CRIM1: variants seen among roughly 807,000 people sequenced by gnomAD.
CRIM1 encodes the protein cysteine-rich motor neuron 1 protein.
CRIM1 carries 32 observed loss-of-function variants against 116.4 expected under a neutral mutation model. The ratio of observed to expected loss-of-function variants is 0.27; its 90% CI spans 0.21 to 0.37. CRIM1 has a LOEUF of 0.37. CRIM1 is among the 10% of genes least tolerant of loss of function. The pLI is 1.00. For synonymous variants in CRIM1, 590 were observed against 509.2 expected (o/e 1.16, Z -2.13); for missense variants, 1,331 against 1,354.8 (o/e 0.98, Z 0.28).
intron 14 of CRIM1, among the ~76,000 whole-genome samples, chr2:36,540,927 T>C (rs973340278): frequency 5.3e-5 from 8 of 152,202 alleles, no homozygotes; most frequent in African/African-American, 1.7e-4. Context: ...TTGTTCATCA[T>C]TAGAGATTTC....
chr2:36,544,527 T>C (rs759655567), intron 15 of CRIM1, 29 bp downstream of exon 15: 1 of 1,319,758 alleles, frequency 7.6e-7, no homozygotes, highest in Admixed American at 3.0e-5. Flanking sequence ...TGAGATCTGC[T>C]AGTTTTCTAT....
chr2:36,512,654 A>G (rs554337400), intron 10 of CRIM1, among the ~76,000 whole-genome samples: 67 of 152,330 alleles, frequency 4.4e-4, no homozygotes, highest in Non-Finnish European at 8.1e-4. Flanking sequence ...TTTTACTTCT[A>G]TCAGGAACTT....
chr2:36,357,453 G>A (rs549430594), intron 1 of CRIM1, among the ~76,000 whole-genome samples: 7 of 152,226 alleles, frequency 4.6e-5, no homozygotes, highest in African/African-American at 1.7e-4. Flanking sequence ...GTGCTCCGCG[G>A]TGTCGAGATT....
At chr2:36,544,236 T>G (rs757067979) in intron 14 of CRIM1, 140 bp from the exon 15 acceptor site, 46 of 610,586 alleles carry the variant, frequency 7.5e-5, no homozygotes, top group South Asian at 2.9e-4. Flanking sequence ...GAGTGATGAA[T>G]GATGTAAATG....
intron 2 of CRIM1, among the ~76,000 whole-genome samples, chr2:36,420,300 A>G (rs973637914): frequency 3.3e-5 from 5 of 152,176 alleles, no homozygotes; most frequent in Admixed American, 6.5e-5. Context: ...GGCATTTTCT[A>G]TGGATTATGT....
chr2:36,451,907 A>G (rs1312299148), intron 4 of CRIM1, among the ~76,000 whole-genome samples: 1 of 146,550 alleles, frequency 6.8e-6, no homozygotes, highest in Non-Finnish European at 1.5e-5. Context: ...TAGGCCATCA[A>G]ATAATATTTC....
rs1172697224 is a variant in CRIM1, at chr2:36,546,968, A to G, written c.2747-16A>G. 6.7e-7 allele frequency: 1 copy of G among 1,483,942 alleles called. No homozygotes were observed. Among genetic ancestry groups the G allele is most frequent in the East Asian group, 2.3e-5 (1 of 43,586 alleles). 91.9% of individuals were successfully genotyped at this position (1,483,942 alleles called of 1,614,324 possible). A position where few individuals can be genotyped will look rare whatever the true frequency, so the allele number is the denominator to read the frequency against. On this transcript the variant is annotated splice_polypyrimidine_tract_variant and intron_variant, in intron 15 of 16. Transcript: ENST00000280527. ...CTGGTTTAGGTAATAAATGCTTATA[A>G]TTTTTTTTCTCCTAGATATGGGTCA...
chr2:36,529,151 A>G (rs1237985834), intron 13 of CRIM1: 2 of 471,254 alleles, frequency 4.2e-6, no homozygotes, highest in African/African-American at 2.0e-5. Context: ...ATTTTGGTCC[A>G]GGAGGCCAAA....
intron 5 of CRIM1, among the ~76,000 whole-genome samples, chr2:36,475,409 C>G (rs190277531): frequency 1.0e-3 from 154 of 152,228 alleles, no homozygotes; most frequent in African/African-American, 3.6e-3. Context: ...TATACAAACA[C>G]AATTTGGGGA....
chr2:36,447,814 C>G (rs1391497835), intron 4 of CRIM1, among the ~76,000 whole-genome samples: 3 of 152,174 alleles, frequency 2.0e-5, no homozygotes, highest in Admixed American at 6.5e-5. Flanking sequence ...TTTTCATTTT[C>G]TGATTGCAGG....
chr2:36,515,174 G>A (rs374068952), intron 11 of CRIM1, among the ~76,000 whole-genome samples: 9 of 152,230 alleles, frequency 5.9e-5, no homozygotes, highest in East Asian at 5.8e-4. Flanking sequence ...GGAGGGATTT[G>A]TACCTGGGTC....
chr2:36,516,470 T>G (rs916107311), intron 11 of CRIM1, among the ~76,000 whole-genome samples: 3 of 152,172 alleles, frequency 2.0e-5, no homozygotes, highest in African/African-American at 7.2e-5. Flanking sequence ...TTCAGACATT[T>G]TCAACATTAA....
intron 13 of CRIM1, among the ~76,000 whole-genome samples, chr2:36,525,005 T>A (rs1245275237): frequency 6.6e-6 from 1 of 152,152 alleles, no homozygotes; most frequent in East Asian, 1.9e-4. Context: ...TTGATTCTGA[T>A]CTGTCTCCCT....
intron 4 of CRIM1, among the ~76,000 whole-genome samples, chr2:36,452,356 T>C (rs1248766217): frequency 1.3e-5 from 2 of 152,200 alleles, no homozygotes; most frequent in East Asian, 3.9e-4. Flanking sequence ...GAAAAAAATT[T>C]GGAAGTGTAT....
intron 14 of CRIM1, among the ~76,000 whole-genome samples, chr2:36,538,013 G>A (rs548250864): frequency 6.6e-6 from 1 of 152,242 alleles, no homozygotes; most frequent in Non-Finnish European, 1.5e-5. Flanking sequence ...ATCAGTTCCA[G>A]CCAGTACCCA....
intron 1 of CRIM1, among the ~76,000 whole-genome samples, chr2:36,367,421 A>G (rs981768007): frequency 6.6e-6 from 1 of 152,314 alleles, no homozygotes; most frequent in Non-Finnish European, 1.5e-5. Context: ...ATGGCTTTTG[A>G]ATCCCCCTTC....
intron 1 of CRIM1, among the ~76,000 whole-genome samples, chr2:36,357,578 G>C (rs1168718581): frequency 6.6e-6 from 1 of 152,198 alleles, no homozygotes; most frequent in Non-Finnish European, 1.5e-5. Context: ...TGCCTGGTCT[G>C]GTTTGGGGTC....
At chr2:36,455,146 G>A (rs774620879) in intron 4 of CRIM1, among the ~76,000 whole-genome samples, 1 of 152,174 alleles carries the variant, frequency 6.6e-6, no homozygotes, top group Admixed American at 6.5e-5. Flanking sequence ...CAGATAGGAT[G>A]TGTGACTTCA....
At chr2:36,417,527 A>G (rs1052858697) in intron 2 of CRIM1, among the ~76,000 whole-genome samples, 22 of 152,104 alleles carry the variant, frequency 1.4e-4, no homozygotes, top group African/African-American at 3.6e-4. Flanking sequence ...GACTCAATCT[A>G]TTTCATTTCA....
Sources: gnomAD v4.1 joint callset for allele counts (sites outside exome capture counted in the v4.1 genomes callset) on GRCh38, gnomAD v4.1.1 for gene constraint, MANE v1.5 for transcripts, NCBI Gene and HGNC (gene_info 2026-07-23, HGNC 2026-07-21) for gene names.